Variants in CDKAL1 observed in about 807,000 individuals in gnomAD.
CDKAL1 encodes the protein CDKAL1 threonylcarbamoyladenosine tRNA methylthiotransferase, also known as threonylcarbamoyladenosine tRNA methylthiotransferase.
A neutral mutation model predicts 68.2 loss-of-function variants in CDKAL1; 32 were observed. That is an observed-to-expected ratio of 0.47 (90% CI 0.35 to 0.63). The LOEUF (loss-of-function observed/expected upper bound fraction) is 0.63, where lower values mean the gene tolerates loss of function less well. Ranked by LOEUF, CDKAL1 falls within the 30% of genes least tolerant of loss-of-function variation. CDKAL1 has a pLI of 0.00. For missense variants in CDKAL1, 606 were observed against 696.7 expected, an observed-to-expected ratio of 0.87 and a Z score of 1.47; for synonymous variants, 234 against 244.3, an observed-to-expected ratio of 0.96 and a Z score of 0.39.
intron 10 of CDKAL1, among the ~76,000 whole-genome samples, chr6:20,973,032 C>T (rs567845433): frequency 3.3e-5 from 5 of 150,496 alleles, no homozygotes; most frequent in East Asian, 2.0e-4. Flanking sequence ...GAGCCGAGAT[C>T]GCGTCATTAC....
chr6:21,155,761 T>G (rs973012067), intron 13 of CDKAL1, among the ~76,000 whole-genome samples: 1 of 152,210 alleles, frequency 6.6e-6, no homozygotes, highest in African/African-American at 2.4e-5. Flanking sequence ...GGAATGAAAT[T>G]TCATAAAATC....
chr6:21,204,406 G>C (rs764386149), intron 15 of CDKAL1, among the ~76,000 whole-genome samples: 1 of 151,968 alleles, frequency 6.6e-6, no homozygotes, highest in Non-Finnish European at 1.5e-5. Context: ...ATTTCATCTA[G>C]AAATATACTA....
chr6:21,014,331 TG>T (rs754813238), intron 11 of CDKAL1, among the ~76,000 whole-genome samples: 12 of 152,136 alleles, frequency 7.9e-5, no homozygotes, highest in Non-Finnish European at 1.8e-4. Context: ...GGGCCGGGTG[TG>T]GTGGCTCACA....
intron 13 of CDKAL1, among the ~76,000 whole-genome samples, chr6:21,152,594 G>A (rs1473416324): frequency 6.6e-6 from 1 of 152,212 alleles, no homozygotes; most frequent in African/African-American, 2.4e-5. Flanking sequence ...CAAGGAGCTC[G>A]TAGTCTATGC....
At chr6:20,845,938 T>C in intron 8 of CDKAL1, 137 bp from the exon 9 acceptor site, 1 of 519,436 alleles carries the variant, frequency 1.9e-6, no homozygotes, top group Non-Finnish European at 3.3e-6. Context: ...TGGTAGATAC[T>C]TGGTTTTTGA....
At chr6:20,606,151 C>T (rs984233398) in intron 4 of CDKAL1, among the ~76,000 whole-genome samples, 4 of 151,892 alleles carry the variant, frequency 2.6e-5, no homozygotes, top group Admixed American at 6.6e-5. Flanking sequence ...TTTATATGTT[C>T]GGCCTGTTTT....
chr6:21,068,695 CCTAA>C (rs1298739114), intron 12 of CDKAL1, among the ~76,000 whole-genome samples: 3 of 152,148 alleles, frequency 2.0e-5, no homozygotes, highest in East Asian at 3.9e-4. Context: ...TTGAAATTGC[CCTAA>C]CTATTGTTGT....
intron 4 of CDKAL1, among the ~76,000 whole-genome samples, chr6:20,583,887 G>A (rs1335670835): frequency 1.3e-5 from 2 of 150,500 alleles, no homozygotes; most frequent in Non-Finnish European, 2.9e-5. Flanking sequence ...TTAATCTGTC[G>A]AGTTTCAGCA....
At chr6:21,122,533 A>G (rs1774776446) in intron 13 of CDKAL1, among the ~76,000 whole-genome samples, 1 of 152,148 alleles carries the variant, frequency 6.6e-6, no homozygotes, top group African/African-American at 2.4e-5. Context: ...TAGTTTGGTT[A>G]CAGATATCTG....
At chr6:21,085,961 C>T (rs1772670055) in intron 12 of CDKAL1, among the ~76,000 whole-genome samples, 1 of 152,138 alleles carries the variant, frequency 6.6e-6, no homozygotes, top group African/African-American at 2.4e-5. Flanking sequence ...CTTGATGAGA[C>T]TATGAGGGTA....
At chr6:21,060,538 T>C (rs1470568340) in intron 11 of CDKAL1, among the ~76,000 whole-genome samples, 2 of 152,102 alleles carry the variant, frequency 1.3e-5, no homozygotes, top group Non-Finnish European at 2.9e-5. Flanking sequence ...GATTTCTTAT[T>C]TTACCTTTAT....
intron 4 of CDKAL1, among the ~76,000 whole-genome samples, chr6:20,579,332 A>G (rs886366655): frequency 6.6e-6 from 1 of 152,136 alleles, no homozygotes; most frequent in African/African-American, 2.4e-5. Context: ...ATGAAAGTAT[A>G]TTACATACAA....
chr6:20,996,419 C>T lies in CDKAL1; in HGVS notation c.910-3808C>T, dbSNP rs115521123. Among the ~76,000 whole-genome samples the T allele has an allele frequency of 4.0e-3, 604 of 152,280 alleles. 7 individuals carry two copies. The highest frequency in any genetic ancestry group is 0.013 in the African/African-American group (556 of 41,548). On this transcript the variant is annotated intron_variant, in intron 10 of 15. Transcript: ENST00000274695. ...CTAGCTTTTGATTTACAGTGAGAAA[C>T]GTGGGACTTTTCCATCCACTTGAAT...
At chr6:21,131,634 C>G (rs762968040) in intron 13 of CDKAL1, among the ~76,000 whole-genome samples, 5 of 152,096 alleles carry the variant, frequency 3.3e-5, no homozygotes, top group Admixed American at 1.3e-4. Context: ...ACTGAGAAGA[C>G]AGCTGTCATT....
intron 15 of CDKAL1, among the ~76,000 whole-genome samples, chr6:21,225,037 G>A (rs183097183): frequency 6.6e-6 from 1 of 152,204 alleles, no homozygotes; most frequent in Non-Finnish European, 1.5e-5. Flanking sequence ...CCCCTCCTAG[G>A]TACCAGGTCC....
At chr6:21,198,579 A>G (rs1443337904) in intron 14 of CDKAL1, among the ~76,000 whole-genome samples, 1 of 152,090 alleles carries the variant, frequency 6.6e-6, no homozygotes, top group Non-Finnish European at 1.5e-5. Flanking sequence ...TAGTTTTAGC[A>G]TCTGTTTTTT....
chr6:20,730,419 AAAG>A, intron 5 of CDKAL1, among the ~76,000 whole-genome samples: 1 of 150,572 alleles, frequency 6.6e-6, no homozygotes, highest in South Asian at 2.1e-4. Context: ...GAAAGAAAGA[AAAG>A]AAAGGAAGAA....
At chr6:20,778,827 T>C (rs1484174299) in intron 7 of CDKAL1, among the ~76,000 whole-genome samples, 2 of 152,166 alleles carry the variant, frequency 1.3e-5, no homozygotes, top group African/African-American at 4.8e-5. Flanking sequence ...TTTATTTAAT[T>C]GGACGAGGCT....
At chr6:21,217,129 G>A (rs1462765304) in intron 15 of CDKAL1, among the ~76,000 whole-genome samples, 4 of 151,388 alleles carry the variant, frequency 2.6e-5, no homozygotes, top group African/African-American at 7.4e-5. Flanking sequence ...AATTACAAAT[G>A]AGGTTGAGCA....
Sources: gnomAD v4.1 joint callset for allele counts (sites outside exome capture counted in the v4.1 genomes callset) on GRCh38, gnomAD v4.1.1 for gene constraint, MANE v1.5 for transcripts, NCBI Gene and HGNC (gene_info 2026-07-23, HGNC 2026-07-21) for gene names.